The following DNAJC10 variants were observed in gnomAD, a reference collection of about 807,000 sequenced individuals.
DNAJC10 encodes DnaJ heat shock protein family (Hsp40) member C10.
In DNAJC10, 101 loss-of-function variants were observed where a neutral mutation model predicts 115.0. The ratio of observed to expected loss-of-function variants is 0.88; its 90% confidence interval spans 0.75 to 1.04. DNAJC10 has a LOEUF of 1.04. Ranked by LOEUF, DNAJC10 falls within the 50% of genes least tolerant of loss-of-function variation. The pLI is 0.00. For synonymous variants in DNAJC10, 307 were observed against 301.5 expected (o/e 1.02, Z -0.19); for missense variants, 981 against 928.8 (o/e 1.06, Z -0.73).
chr2:182,718,360 C>A, intron 3 of DNAJC10, 70 bp downstream of exon 3: 2 of 1,222,462 alleles, frequency 1.6e-6, no homozygotes, highest in Non-Finnish European at 2.2e-6. Flanking sequence ...ATTTAAATTG[C>A]TTTAAATGAT....
intron 22 of DNAJC10, among the ~76,000 whole-genome samples, chr2:182,765,517 C>T (rs1694388203): frequency 1.3e-5 from 2 of 152,166 alleles, no homozygotes; most frequent in African/African-American, 4.8e-5. Context: ...GAAGTTTCCC[C>T]AGTTACCACC....
At chr2:182,730,004 A>C in intron 8 of DNAJC10, 63 bp downstream of exon 8, 1 of 1,084,146 alleles carries the variant, frequency 9.2e-7, no homozygotes, top group Non-Finnish European at 1.4e-6. Flanking sequence ...TTTTGTTTTT[A>C]ATGGCAATAT....
At chr2:182,751,130 CT>C (rs773393648) in intron 14 of DNAJC10, among the ~76,000 whole-genome samples, 491 of 85,114 alleles carry the variant, frequency 5.8e-3, no homozygotes, top group Admixed American at 0.034. Context: ...GAGATTTTGA[CT>C]TTTTTTTTTT....
intron 22 of DNAJC10, among the ~76,000 whole-genome samples, chr2:182,767,766 T>C (rs1014621054): frequency 6.6e-6 from 1 of 152,096 alleles, no homozygotes; most frequent in Non-Finnish European, 1.5e-5. Flanking sequence ...AGATATCCAC[T>C]AGATGGCTTT....
At chr2:182,776,084 ACTC>A (rs1694697111) in intron 23 of DNAJC10, among the ~76,000 whole-genome samples, 1 of 152,014 alleles carries the variant, frequency 6.6e-6, no homozygotes, top group South Asian at 2.1e-4. Flanking sequence ...AAACCACTAA[ACTC>A]CTTTAAATGT....
rs145371785 is a variant in DNAJC10, at chr2:182,776,456, G to A, written c.2371-665G>A. On this transcript the variant is annotated intron_variant, in intron 23 of 23. Transcript: ENST00000264065. ...GAACAAAGAGTCTATGAATGTTGTA[G>A]TGCTTTTAAAATGGAATTTAATACA... Among the ~76,000 whole-genome samples, 36 of 152,278 alleles carry A rather than the reference G, an allele frequency of 2.4e-4. No individual in the cohort carries two copies. In the East Asian group the frequency reaches 6.8e-3, roughly 29 times the overall value.
chr2:182,767,708 A>C lies in DNAJC10; in HGVS notation c.2265+4907A>C, dbSNP rs537336614. The stretch of plus-strand genomic sequence containing the variant: ...CAGCTCTTCTAAGAGAGTCCACCCC[A>C]GCATCATCCGTCCACCAAGTATTTA... On this transcript the variant is annotated intron_variant, in intron 22 of 23. Transcript: ENST00000264065. Among the ~76,000 whole-genome samples the C allele has an allele frequency of 7.9e-5, 12 of 152,246 alleles. No individual in the cohort carries two copies. The South Asian group carries it at 2.3e-3, about 29-fold the overall frequency.
rs933679639 is a variant in DNAJC10, at chr2:182,778,109, T to G, written c.*977T>G. The G allele has an allele frequency of 2.0e-5, 3 of 152,220 alleles. No homozygotes were observed. The highest frequency in any genetic ancestry group is 7.2e-5 in the African/African-American group (3 of 41,468). The allele number at this position is 152,220 out of a possible 1,614,324, so 9.4% of individuals were successfully genotyped here. ...ATTTACATATTTGCCTTCTGAACTT[T>G]GTTTTGACCTGTATCCTTTATTTAC... is the stretch of plus-strand genomic sequence containing the variant. On this transcript the variant is annotated 3_prime_UTR_variant, in exon 24 of 24. Transcript: ENST00000264065.
intron 11 of DNAJC10, among the ~76,000 whole-genome samples, chr2:182,739,075 G>A (rs889523551): frequency 1.3e-5 from 2 of 151,352 alleles, no homozygotes; most frequent in Non-Finnish European, 2.9e-5. Context: ...TGAATAAGAT[G>A]TAGAACTGAG....
chr2:182,771,123 TG>T (rs1169696928), intron 22 of DNAJC10, among the ~76,000 whole-genome samples: 1 of 152,218 alleles, frequency 6.6e-6, no homozygotes, highest in Admixed American at 6.5e-5. Flanking sequence ...GATTTGCATA[TG>T]TTGAACCAGC....
chr2:182,777,207 AC>A lies in DNAJC10; in HGVS notation c.*76del. 1 of 907,272 alleles carries A rather than the reference AC, an allele frequency of 1.1e-6. No individual in the cohort carries two copies. The highest frequency in any genetic ancestry group is 1.6e-6 in the Non-Finnish European group (1 of 630,432). 56.2% of individuals were successfully genotyped at this position (907,272 alleles called of 1,614,324 possible). ...TCAGAAGACACCTATTTAGAATGTTACATTTATGATGGGAATGAATGAACAT... is the reference window on the plus strand; with the variant it reads ...TCAGAAGACACCTATTTAGAATGTTAATTTATGATGGGAATGAATGAACAT... On this transcript the variant is annotated 3_prime_UTR_variant, in exon 24 of 24. Coordinates refer to ENST00000264065, the MANE Select transcript of DNAJC10 (RefSeq NM_018981.4).
intron 16 of DNAJC10, 28 bp downstream of exon 16, chr2:182,752,216 A>C (rs192843048): frequency 2.5e-4 from 296 of 1,207,296 alleles, no homozygotes; most frequent in Non-Finnish European, 3.1e-4. Context: ...AAATTATTCT[A>C]ATTAATTTTA....
At position 182,755,021 on chromosome 2, in the gene DNAJC10, CCAA is replaced by C; in HGVS notation, c.1576_1578del (p.Thr526del). The C allele has an allele frequency of 1.9e-6, 3 of 1,602,594 alleles. No homozygotes were observed. The highest frequency in any genetic ancestry group is 2.6e-6 in the Non-Finnish European group (3 of 1,169,794). On this transcript the variant is annotated inframe_deletion, in exon 17 of 24. Coordinates refer to ENST00000264065, the MANE Select transcript of DNAJC10 (RefSeq NM_018981.4). ...CTATCAGTATAACATTCAGGCTTAT[CCAA>C]CAACAGTGGTATTCAACCAGTCCAA...
chr2:182,750,460 A>G (rs1419880417), intron 14 of DNAJC10, among the ~76,000 whole-genome samples: 1 of 152,214 alleles, frequency 6.6e-6, no homozygotes, highest in Non-Finnish European at 1.5e-5. Context: ...TATTGCCAAG[A>G]TAAGGTTGGT....
At chr2:182,744,574 C>T (rs1181645849) in intron 14 of DNAJC10, among the ~76,000 whole-genome samples, 2 of 152,088 alleles carry the variant, frequency 1.3e-5, no homozygotes, top group Non-Finnish European at 2.9e-5. Context: ...AGTGAGACCT[C>T]TAGGCTGGAG....
chr2:182,764,656 C>T lies in DNAJC10; in HGVS notation c.2265+1855C>T, dbSNP rs954129777. Among the ~76,000 whole-genome samples, 123 of 151,846 alleles carry T rather than the reference C, an allele frequency of 8.1e-4. 1 individual carries two copies. Among genetic ancestry groups the T allele is most frequent in the Non-Finnish European group, 1.0e-4 (7 of 67,984 alleles). ...CTGCTCTATGTTAGGAACACCTTGCCGAAACAAAAGTATATAAGGGTGCAT... is the reference window on the plus strand; with the variant it reads ...CTGCTCTATGTTAGGAACACCTTGCTGAAACAAAAGTATATAAGGGTGCAT... On this transcript the variant is annotated intron_variant, in intron 22 of 23. Coordinates refer to ENST00000264065, the MANE Select transcript of DNAJC10 (RefSeq NM_018981.4).
chr2:182,775,294 T>C, intron 22 of DNAJC10, 22 bp from the exon 23 acceptor site: 1 of 1,409,642 alleles, frequency 7.1e-7, no homozygotes, highest in African/African-American at 1.4e-5. Flanking sequence ...ACTTAAAAGA[T>C]AACAAGTGTT....
intron 14 of DNAJC10, among the ~76,000 whole-genome samples, chr2:182,747,950 A>T (rs2105659689): frequency 6.6e-6 from 1 of 151,556 alleles, no homozygotes; most frequent in East Asian, 1.9e-4. Flanking sequence ...GGGTTGTTGA[A>T]TTTTGTCAAA....
At chr2:182,740,135 A>G in intron 11 of DNAJC10, 164 bp from the exon 12 acceptor site, 3 of 1,156,146 alleles carry the variant, frequency 2.6e-6, no homozygotes, top group Non-Finnish European at 3.3e-6. Flanking sequence ...ATAATTGCCA[A>G]AATACACTTT....
Sources: gnomAD v4.1 joint callset for allele counts (sites outside exome capture counted in the v4.1 genomes callset) on GRCh38, gnomAD v4.1.1 for gene constraint, MANE v1.5 for transcripts, NCBI Gene and HGNC (gene_info 2026-07-23, HGNC 2026-07-21) for gene names.